The following EYS variants were observed in gnomAD, a reference collection of about 807,000 sequenced individuals.
EYS encodes protein eyes shut homolog.
EYS carries 250 observed loss-of-function variants against 282.1 expected under a neutral mutation model. That is an observed-to-expected ratio of 0.89 (90% CI 0.80 to 0.98). EYS has a LOEUF of 0.98. Among genes scored for constraint, EYS ranks in the 50% least tolerant of loss-of-function variants. The pLI is 0.00. For synonymous variants in EYS, 1,355 were observed against 1,282.9 expected (o/e 1.06, Z -1.20); for missense variants, 4,016 against 3,709.0 (o/e 1.08, Z -2.15).
chr6:64,458,000 G>T (rs182906266), intron 26 of EYS, among the ~76,000 whole-genome samples: 1 of 151,882 alleles, frequency 6.6e-6, no homozygotes, highest in African/African-American at 2.4e-5. Flanking sequence ...AAAAAATTTT[G>T]TAGTTATAAT....
chr6:65,335,533 T>C lies in EYS; in HGVS notation c.1600-387A>G, dbSNP rs78034260. On this transcript the variant is annotated intron_variant, in intron 10 of 42. Transcript: ENST00000503581. Reference sequence around the variant, plus strand: ...TCAGCCAGTTTATACAGACAGGACATAAACTGTCTTTGTGTCCTGTAGTTC... The same window carrying C: ...TCAGCCAGTTTATACAGACAGGACACAAACTGTCTTTGTGTCCTGTAGTTC... Among the ~76,000 whole-genome samples, 1,194 of 151,832 alleles carry C rather than the reference T, an allele frequency of 7.9e-3. 14 individuals are homozygous for C. The highest frequency in any genetic ancestry group is 0.027 in the African/African-American group (1,138 of 41,488).
intron 2 of EYS, among the ~76,000 whole-genome samples, chr6:65,522,807 A>G (rs2127299820): frequency 6.6e-6 from 1 of 152,290 alleles, no homozygotes; most frequent in Middle Eastern, 3.4e-3. Flanking sequence ...AATGCATCTG[A>G]AAATTTTTAT....
At chr6:63,889,556 C>G (rs1375106463) in intron 35 of EYS, among the ~76,000 whole-genome samples, 2 of 152,168 alleles carry the variant, frequency 1.3e-5, no homozygotes, top group East Asian at 3.8e-4. Flanking sequence ...AAATCCTTTA[C>G]AGACAAGCAA....
At position 63,721,246 on chromosome 6, in the gene EYS, G is replaced by T; in HGVS notation, c.8785C>A (p.Pro2929Thr). 2 of 1,551,824 alleles carry T rather than the reference G, an allele frequency of 1.3e-6. No individual in the cohort carries two copies. The highest frequency in any genetic ancestry group is 1.7e-6 in the Non-Finnish European group (2 of 1,146,940). The change falls in exon 43 of 43, where the codon CCT becomes ACT. Residue 2929 changes from proline (P) to threonine (T), a missense_variant. Physicochemically the swap from Pro to Thr is conservative, Grantham distance 38. Coordinates refer to ENST00000503581, the MANE Select transcript of EYS (RefSeq NM_001142800.2). ...NLCLHQSLCI[P>T]DQSFSYSCLC... is the part of the protein sequence containing the mutation. ...CAACTGTAAGAAAATGATTGGTCAG[G>T]TATACATAAAGATTGGTGGAGGCAA...
chr6:65,263,763 A>T (rs1767679944), intron 12 of EYS, among the ~76,000 whole-genome samples: 1 of 150,010 alleles, frequency 6.7e-6, no homozygotes, highest in African/African-American at 2.5e-5. Flanking sequence ...AATAAAAAAC[A>T]ATTGTGGTAG....
intron 12 of EYS, among the ~76,000 whole-genome samples, chr6:65,295,573 C>T (rs1161384836): frequency 6.6e-6 from 1 of 151,852 alleles, no homozygotes; most frequent in African/African-American, 2.4e-5. Context: ...CTTATGGCTG[C>T]CTGTTTTTCC....
At chr6:64,595,151 T>C (rs923232954) in intron 24 of EYS, among the ~76,000 whole-genome samples, 23 of 152,166 alleles carry the variant, frequency 1.5e-4, no homozygotes, top group Non-Finnish European at 2.5e-4. Flanking sequence ...TGTAAATCAA[T>C]AAATGTGACA....
intron 29 of EYS, among the ~76,000 whole-genome samples, chr6:64,330,044 C>T (rs1295043356): frequency 6.6e-6 from 1 of 152,140 alleles, no homozygotes; most frequent in Non-Finnish European, 1.5e-5. Flanking sequence ...TAGCCCAGAC[C>T]TGAAGGCTTT....
chr6:63,722,749 A>G (rs929474358), intron 42 of EYS, among the ~76,000 whole-genome samples: 1 of 152,052 alleles, frequency 6.6e-6, no homozygotes, highest in Non-Finnish European at 1.5e-5. Context: ...CAGAGTGCCT[A>G]TTTCCACACC....
chr6:65,591,657 T>C (rs1371784425), intron 2 of EYS, among the ~76,000 whole-genome samples: 1 of 151,940 alleles, frequency 6.6e-6, no homozygotes, highest in African/African-American at 2.4e-5. Context: ...CCACACATTA[T>C]ATGCATGTCA....
chr6:65,404,585 T>A (rs1202520576), intron 6 of EYS, among the ~76,000 whole-genome samples: 3 of 151,874 alleles, frequency 2.0e-5, no homozygotes, highest in African/African-American at 7.2e-5. Flanking sequence ...AGAAGAAATA[T>A]CAGGTGGAGT....
intron 36 of EYS, among the ~76,000 whole-genome samples, chr6:63,860,160 GATC>G (rs527824785): frequency 2.0e-3 from 305 of 152,270 alleles, no homozygotes; most frequent in Admixed American, 6.4e-3. Flanking sequence ...AACAGTGAAT[GATC>G]CAATAGATGG....
chr6:63,768,609 C>G (rs1339576030), intron 40 of EYS, among the ~76,000 whole-genome samples: 7 of 150,294 alleles, frequency 4.7e-5, no homozygotes, highest in Non-Finnish European at 8.8e-5. Flanking sequence ...GAAAAGGGCA[C>G]ACTTACACAT....
chr6:64,175,563 C>T (rs78749362), intron 31 of EYS, among the ~76,000 whole-genome samples: 12 of 152,158 alleles, frequency 7.9e-5, no homozygotes, highest in Non-Finnish European at 1.3e-4. Context: ...GCTTCTGTCT[C>T]TTTGTGGTGA....
chr6:64,721,324 A>G (rs1771572293), intron 22 of EYS, among the ~76,000 whole-genome samples: 1 of 152,168 alleles, frequency 6.6e-6, no homozygotes, highest in African/African-American at 2.4e-5. Context: ...GGAAACTGCA[A>G]TTTTAACTAT....
chr6:64,114,425 A>G (rs951292630), intron 31 of EYS, among the ~76,000 whole-genome samples: 2 of 152,178 alleles, frequency 1.3e-5, no homozygotes, highest in Admixed American at 1.3e-4. Context: ...CTGTTAAATA[A>G]CAATTAGACA....
intron 13 of EYS, among the ~76,000 whole-genome samples, chr6:65,010,989 G>C (rs1256627902): frequency 6.6e-6 from 1 of 152,152 alleles, no homozygotes; most frequent in African/African-American, 2.4e-5. Context: ...AGAGCCACAA[G>C]GCAGGACCCT....
chr6:64,333,311 C>T (rs563363948), intron 29 of EYS, among the ~76,000 whole-genome samples: 23 of 152,220 alleles, frequency 1.5e-4, no homozygotes, highest in African/African-American at 5.1e-4. Context: ...AAATAAAGGG[C>T]CTATCTCCAT....
intron 22 of EYS, among the ~76,000 whole-genome samples, chr6:64,762,199 AAATAT>A (rs1235894355): frequency 6.6e-6 from 1 of 152,238 alleles, no homozygotes; most frequent in Non-Finnish European, 1.5e-5. Context: ...TTAAAAATTA[AAATAT>A]AATTTTAAAA....
Sources: allele counts gnomAD v4.1 joint callset (sites outside exome capture counted in the v4.1 genomes callset), GRCh38; gene constraint gnomAD v4.1.1; transcripts MANE v1.5; gene names NCBI Gene and HGNC (gene_info 2026-07-23, HGNC 2026-07-21).